ZZEF1: variants seen among roughly 807,000 people sequenced by gnomAD.
The protein encoded by ZZEF1 is zinc finger ZZ-type and EF-hand domain containing 1.
In ZZEF1, 157 loss-of-function variants were observed where a neutral mutation model predicts 342.8. The observed-to-expected ratio is 0.46, with a 90% confidence interval of 0.40 to 0.52. The LOEUF is 0.52. ZZEF1 is among the 20% of genes least tolerant of loss of function. The pLI, the probability that ZZEF1 is intolerant of heterozygous loss-of-function variation, is 0.00. For missense variants in ZZEF1, 3,480 were observed against 3,725.6 expected, an observed-to-expected ratio of 0.93 and a Z score of 1.72; for synonymous variants, 1,505 against 1,429.1, an observed-to-expected ratio of 1.05 and a Z score of -1.20.
At chr17:4,105,422 T>A (rs1032462168) in intron 7 of ZZEF1, among the ~76,000 whole-genome samples, 1 of 152,112 alleles carries the variant, frequency 6.6e-6, no homozygotes, top group African/African-American at 2.4e-5. Context: ...CAGTTGGACT[T>A]TGAGACATCT....
chr17:4,056,483 C>T, intron 32 of ZZEF1, 138 bp from the exon 33 acceptor site: 1 of 871,254 alleles, frequency 1.1e-6, no homozygotes, highest in Non-Finnish European at 1.6e-6. Context: ...AACTGCTTTT[C>T]AAAGCCCCAG....
intron 12 of ZZEF1, among the ~76,000 whole-genome samples, chr17:4,089,607 T>A (rs71366586): frequency 9.0e-6 from 1 of 111,466 alleles, no homozygotes; most frequent in East Asian, 2.3e-4. Flanking sequence ...CAGCCTGAGG[T>A]GCCCTCCTCC....
At chr17:4,009,565 T>G (rs374165067) in intron 53 of ZZEF1, 39 bp downstream of exon 53, 1 of 1,609,402 alleles carries the variant, frequency 6.2e-7, no homozygotes, top group South Asian at 1.1e-5. Flanking sequence ...CAAACGCACA[T>G]GGAGGCACCG....
In ZZEF1 at chr17:4,066,487, T is replaced by G. The variant is rs1446469534; in HGVS notation, c.4209A>C (p.Lys1403Asn). Residue 1403 changes from lysine (K) to asparagine (N), a missense_variant, in exon 28 of 55, where the codon AAA (lysine) becomes AAC (asparagine). This residue lies in a region of ZZEF1 where 1,528 missense variants were observed against 1,624.1 expected (regional missense o/e 0.94). Coordinates refer to ENST00000381638, the MANE Select transcript of ZZEF1 (RefSeq NM_015113.4). ...LMSLGNEAEEKHSSEATEVNP... is the reference protein window; with the variant it reads ...LMSLGNEAEENHSSEATEVNP... Reference sequence around the variant, plus strand: ...TCACCTCAGTAGCTTCTGAACTATGTTTTTCTTCTGCTTCATTCCCCAGGC... The same window carrying G: ...TCACCTCAGTAGCTTCTGAACTATGGTTTTCTTCTGCTTCATTCCCCAGGC... The G allele has an allele frequency of 1.2e-6, 2 of 1,613,954 alleles. No individual in the cohort carries two copies. The highest frequency in any genetic ancestry group is 3.3e-5 in the Admixed American group (2 of 59,990).
intron 1 of ZZEF1, among the ~76,000 whole-genome samples, chr17:4,131,217 G>A (rs74373230): frequency 8.1e-4 from 124 of 152,196 alleles, no homozygotes; most frequent in African/African-American, 2.9e-3. Flanking sequence ...TCCCCAGGAT[G>A]ACGGAGCTTC....
intron 14 of ZZEF1, 120 bp from the exon 15 acceptor site, chr17:4,086,775 A>G (rs1295461727): frequency 1.2e-5 from 10 of 860,700 alleles, no homozygotes; most frequent in African/African-American, 6.7e-5. Context: ...AATAATGCCA[A>G]CTGATGCAAA....
intron 1 of ZZEF1, among the ~76,000 whole-genome samples, chr17:4,139,848 C>T (rs11869091): frequency 1.9e-3 from 297 of 152,314 alleles, no homozygotes; most frequent in African/African-American, 6.8e-3. Context: ...TAATTAAGCC[C>T]TGAGTTTTAG....
In ZZEF1 at chr17:4,076,657, G is replaced by A. The variant is rs1247995871; in HGVS notation, c.3214C>T (p.Pro1072Ser). The change falls in exon 21 of 55, where the codon CCC (proline) becomes TCC (serine). Residue 1072 changes from proline (P) to serine (S), a missense_variant. Physicochemically the swap from Pro to Ser is moderately conservative, Grantham distance 74 (BLOSUM62 -1). This residue lies in a region of ZZEF1 where 1,528 missense variants were observed against 1,624.1 expected (regional missense o/e 0.94). Transcript: ENST00000381638. ...TELLKKLCSG[P>S]EGGLRKLDVE... The stretch of plus-strand genomic sequence containing the variant: ...GTTACCTTCCTCAGTCCTCCTTCGG[G>A]GCCACTACAGAGCTTCTTCAGGAGT... 6 of 1,611,702 alleles carry A rather than the reference G, an allele frequency of 3.7e-6. No homozygotes were observed. The highest frequency in any genetic ancestry group is 4.2e-6 in the Non-Finnish European group (5 of 1,178,614).
Position 4,074,249 on chromosome 17 carries a change from G to A in ZZEF1, c.3586C>T (p.Pro1196Ser). Residue 1196 changes from proline to serine, a missense_variant, in exon 24 of 55, where the codon CCC becomes TCC. Physicochemically the swap from Pro to Ser is moderately conservative, Grantham distance 74. Around this residue, in one of 5 missense-constraint regions of ZZEF1, gnomAD observed 1,528 missense variants for 1,624.1 expected, o/e 0.94. Coordinates refer to ENST00000381638, the MANE Select transcript of ZZEF1 (RefSeq NM_015113.4). ...YKFTVTACGL[P>S]DVAVSWGLDL... ...AGCCCCCAAGACACGGCAACATCGGGCAGCCCACAGGCAGTGACAGTGAAT... is the reference window on the plus strand; with the variant it reads ...AGCCCCCAAGACACGGCAACATCGGACAGCCCACAGGCAGTGACAGTGAAT... 6.2e-7 allele frequency: 1 copy of A among 1,614,144 alleles called. No homozygotes were observed.
At chr17:4,021,373 G>A (rs2056265813) in intron 44 of ZZEF1, 53 bp from the exon 45 acceptor site, 2 of 1,432,560 alleles carry the variant, frequency 1.4e-6, no homozygotes, top group Admixed American at 2.1e-5. Flanking sequence ...GCGGGAAGAT[G>A]GTACAGTCCT....
chr17:4,129,800 TG>T (rs1288103221), intron 1 of ZZEF1, among the ~76,000 whole-genome samples: 3 of 151,940 alleles, frequency 2.0e-5, no homozygotes, highest in Non-Finnish European at 4.4e-5. Context: ...AAAGAAAATA[TG>T]GTACATATAC....
intron 52 of ZZEF1, among the ~76,000 whole-genome samples, chr17:4,010,006 G>T (rs546268982): frequency 6.6e-6 from 1 of 152,228 alleles, no homozygotes; most frequent in South Asian, 2.1e-4. Flanking sequence ...ATGTGCTCAC[G>T]GGGATTACTG....
chr17:4,032,076 G>C (rs968114), intron 42 of ZZEF1, 50 bp downstream of exon 42: 297,503 of 1,586,504 alleles, frequency 0.19, 28,656 homozygotes, highest in Admixed American at 0.22. Flanking sequence ...GGTACGGAGG[G>C]ATTAGGCATT....
At position 4,017,931 on chromosome 17, in the gene ZZEF1, A is replaced by C; in HGVS notation, c.7546T>G (p.Ser2516Ala). The change falls in exon 47 of 55, where the codon TCC becomes GCC. Residue 2516 changes from serine to alanine, a missense_variant. Physicochemically the swap from Ser to Ala is moderately conservative, Grantham distance 99. This residue lies in a region of ZZEF1 where 1,269 missense variants were observed against 1,342.4 expected (regional missense o/e 0.95). Transcript: ENST00000381638. This position sits in a 1 kb window ranked among gnomAD's most constrained non-coding sequence, Gnocchi z 5.1. Reference protein sequence around the residue: ...DELTTDERIRSLAQRWQPSKS... With the variant: ...DELTTDERIRALAQRWQPSKS... ...CTGGGCTGCCACCGCTGAGCCAGGG[A>C]CCGTATCCTTTCATCTGTGGTGAGC... The C allele has an allele frequency of 2.5e-6, 4 of 1,614,028 alleles. No individual in the cohort carries two copies. Among genetic ancestry groups the C allele is most frequent in the Non-Finnish European group, 3.4e-6 (4 of 1,180,026 alleles).
chr17:4,074,606 G>A (rs1158611478), intron 23 of ZZEF1, among the ~76,000 whole-genome samples: 3 of 152,134 alleles, frequency 2.0e-5, no homozygotes, highest in Admixed American at 1.3e-4. Context: ...GTCCACTACC[G>A]ACTCAGCCAG....
intron 1 of ZZEF1, among the ~76,000 whole-genome samples, chr17:4,133,117 T>C (rs1349987673): frequency 6.6e-6 from 1 of 152,090 alleles, no homozygotes; most frequent in Admixed American, 6.6e-5. Context: ...AATAATGATA[T>C]TTGTAAGACT....
chr17:4,018,064 GTTC>G, intron 46 of ZZEF1, 93 bp from the exon 47 acceptor site: 15 of 1,511,804 alleles, frequency 9.9e-6, no homozygotes, highest in Non-Finnish European at 1.3e-5. Context: ...CTTCAGAGTT[GTTC>G]TTCTGTTAGT....
chr17:4,016,378 A>C lies in ZZEF1; in HGVS notation c.8090T>G (p.Met2697Arg). 6.2e-7 allele frequency: 1 copy of C among 1,614,084 alleles called. No homozygotes were observed. The highest frequency in any genetic ancestry group is 8.5e-7 in the Non-Finnish European group (1 of 1,180,024). Residue 2697 changes from methionine to arginine, a missense_variant, in exon 49 of 55, where the codon ATG (methionine) becomes AGG (arginine). Physicochemically the swap from Met to Arg is moderately conservative, Grantham distance 91 (BLOSUM62 -1). Transcript: ENST00000381638. The surrounding 1 kb of genome is among the most constrained non-coding windows in gnomAD (Gnocchi z 4.4). ...TTTCGACTCCCTCACTTGCACCTCC[A>C]TTCCTGGCTCCTCCATGAACTGGCA... Reference protein sequence around the residue: ...AACQFMEEPGMEVQVRESKHP... With the variant: ...AACQFMEEPGREVQVRESKHP...
At chr17:4,102,476 T>G (rs1869493) in intron 8 of ZZEF1, 61 bp from the exon 9 acceptor site, 3 of 1,432,136 alleles carry the variant, frequency 2.1e-6, no homozygotes, top group African/African-American at 1.4e-5. Context: ...GAAACTAGCA[T>G]GCCTATCTGT....
Sources: allele counts gnomAD v4.1 joint callset (sites outside exome capture counted in the v4.1 genomes callset), GRCh38; gene constraint gnomAD v4.1.1; regional missense constraint gnomAD v4.1.1; non-coding constraint Gnocchi (gnomAD v3.1); transcripts MANE v1.5; gene names NCBI Gene and HGNC (gene_info 2026-07-23, HGNC 2026-07-21).